KMT2C: variants seen among roughly 807,000 people sequenced by gnomAD.
KMT2C encodes the protein lysine methyltransferase 2C.
KMT2C carries 88 observed loss-of-function variants against 507.9 expected under a neutral mutation model. The ratio of observed to expected loss-of-function variants is 0.17; its 90% CI spans 0.15 to 0.21. The LOEUF (loss-of-function observed/expected upper bound fraction) is 0.21. Among genes scored for constraint, KMT2C ranks in the 10% least tolerant of loss-of-function variants. KMT2C has a pLI of 1.00. For missense variants in KMT2C, 4,954 were observed against 5,957.8 expected (o/e 0.83, Z 5.55); for synonymous variants, 2,049 against 2,080.8 (o/e 0.98, Z 0.42).
chr7:152,241,628 TTTA>T (rs1435986716), intron 14 of KMT2C, among the ~76,000 whole-genome samples: 16 of 152,342 alleles, frequency 1.1e-4, no homozygotes, highest in African/African-American at 3.8e-4. Flanking sequence ...CCTAGGACGT[TTTA>T]TTGTTTGTAA....
At chr7:152,247,534 A>T (rs2095491550) in intron 14 of KMT2C, among the ~76,000 whole-genome samples, 2 of 152,298 alleles carry the variant, frequency 1.3e-5, no homozygotes, top group Admixed American at 1.3e-4. Flanking sequence ...TAAATATATT[A>T]GAAGGAAATA....
chr7:152,266,979 C>T (rs533271391), intron 7 of KMT2C, among the ~76,000 whole-genome samples: 2 of 152,230 alleles, frequency 1.3e-5, no homozygotes, highest in African/African-American at 4.8e-5. Context: ...GTAGCATTTG[C>T]ATTGCTAGCC....
At position 152,237,473 on chromosome 7, in the gene KMT2C, G is replaced by A. The variant is rs10231616; in HGVS notation, c.2652+1234C>T. Among the ~76,000 whole-genome samples the A allele has an allele frequency of 9.3e-3, 1,419 of 152,108 alleles. 15 individuals are homozygous for A. Among genetic ancestry groups the A allele is most frequent in the African/African-American group, 0.033 (1,361 of 41,482 alleles). On this transcript the variant is annotated intron_variant, in intron 15 of 58. Transcript: ENST00000262189. ...CTTCTTTGCACAACAGATGGATGGC[G>A]TCAGGTTAGTTTTTTGGGGGTTTTT...
chr7:152,200,581 T>C (rs920346486), intron 26 of KMT2C, among the ~76,000 whole-genome samples: 3 of 151,918 alleles, frequency 2.0e-5, no homozygotes, highest in African/African-American at 4.8e-5. Context: ...AACACAAAAA[T>C]TAGCCAGGCA....
intron 9 of KMT2C, among the ~76,000 whole-genome samples, chr7:152,260,405 G>C (rs2095749179): frequency 6.6e-6 from 1 of 151,966 alleles, no homozygotes; most frequent in Non-Finnish European, 1.5e-5. Flanking sequence ...AGAAGATCAA[G>C]AGCAAGAACA....
intron 9 of KMT2C, among the ~76,000 whole-genome samples, chr7:152,256,690 A>G (rs1358373007): frequency 6.6e-6 from 1 of 152,256 alleles, no homozygotes; most frequent in Non-Finnish European, 1.5e-5. Flanking sequence ...AAAATCTTCA[A>G]TAACAGGCAA....
At chr7:152,235,207 G>GTGTATATATATA (rs1554561903) in intron 16 of KMT2C, among the ~76,000 whole-genome samples, 7 of 142,424 alleles carry the variant, frequency 4.9e-5, no homozygotes, top group African/African-American at 1.9e-4. Flanking sequence ...TTTCAAGGGT[G>GTGTATATATATA]TATATATATA....
In KMT2C at chr7:152,176,595, C is replaced by A. The variant is rs1414427825; in HGVS notation, c.8858G>T (p.Ser2953Ile). The change falls in exon 38 of 59, where the codon AGT becomes ATT. Residue 2953 changes from serine (S) to isoleucine (I), a missense_variant. Coordinates refer to ENST00000262189, the MANE Select transcript of KMT2C (RefSeq NM_170606.3). ...LPASPSNHVSSLPPFIAPPGR... is the reference protein window; with the variant it reads ...LPASPSNHVSILPPFIAPPGR... ...AGGCGGTGCTATGAAAGGAGGCAAA[C>A]TTGACACATGATTGGATGGGGAGGC... is the stretch of plus-strand genomic sequence containing the variant. 1 of 1,614,148 alleles carries A rather than the reference C, an allele frequency of 6.2e-7. No homozygotes were observed. The highest frequency in any genetic ancestry group is 1.3e-5 in the African/African-American group (1 of 75,054).
intron 6 of KMT2C, among the ~76,000 whole-genome samples, chr7:152,287,312 G>T (rs961837900): frequency 2.0e-5 from 3 of 152,196 alleles, no homozygotes; most frequent in Admixed American, 6.5e-5. Context: ...CAAGTGAAAA[G>T]CAGGAACCTT....
chr7:152,326,302 C>T (rs982387643), intron 3 of KMT2C, among the ~76,000 whole-genome samples: 4 of 152,024 alleles, frequency 2.6e-5, no homozygotes, highest in Non-Finnish European at 5.9e-5. Context: ...ATACTGAATC[C>T]CCTAAAATGT....
At chr7:152,368,467 A>G in intron 1 of KMT2C, 1 of 1,227,802 alleles carries the variant, frequency 8.1e-7, no homozygotes, top group South Asian at 1.3e-5. Context: ...TCAAAAACTA[A>G]AGGACTCTGA....
At chr7:152,237,523 AGTCTCGC>A (rs2095301578) in intron 15 of KMT2C, among the ~76,000 whole-genome samples, 3 of 152,078 alleles carry the variant, frequency 2.0e-5, no homozygotes, top group African/African-American at 2.4e-5. Flanking sequence ...TTTGAGATGG[AGTCTCGC>A]TTCTTTGCCC....
At chr7:152,205,275 T>C in intron 24 of KMT2C, 50 bp from the exon 25 acceptor site, 2 of 1,537,368 alleles carry the variant, frequency 1.3e-6, no homozygotes, top group South Asian at 2.2e-5. Flanking sequence ...CTCCCTACAT[T>C]TCCACAGTAC....
intron 14 of KMT2C, among the ~76,000 whole-genome samples, chr7:152,245,395 T>C (rs2095454614): frequency 6.6e-6 from 1 of 152,230 alleles, no homozygotes; most frequent in East Asian, 1.9e-4. Flanking sequence ...ATGTTTTAAG[T>C]ATAAAGCATC....
At chr7:152,196,964 T>A (rs1361028521) in intron 27 of KMT2C, among the ~76,000 whole-genome samples, 3 of 152,088 alleles carry the variant, frequency 2.0e-5, no homozygotes, top group African/African-American at 7.2e-5. Context: ...TTTTAGAGAT[T>A]ATGGGGAAGA....
chr7:152,177,817 A>T lies in KMT2C; in HGVS notation c.7636T>A (p.Leu2546Met), dbSNP rs2129115447. 1.2e-6 allele frequency: 2 copies of T among 1,613,916 alleles called. No homozygotes were observed. The highest frequency in any genetic ancestry group is 1.7e-6 in the Non-Finnish European group (2 of 1,179,966). The change falls in exon 38 of 59, where the codon TTG (leucine) becomes ATG (methionine). Residue 2546 changes from leucine to methionine, a missense_variant. By Grantham distance (15) the Leu-to-Met change is conservative. Transcript: ENST00000262189. Reference protein sequence around the residue: ...GLPQHFSPQSLPVQQHNILGQ... With the variant: ...GLPQHFSPQSMPVQQHNILGQ... ...AGTATGTTGTGCTGCTGAACTGGCA[A>T]GCTCTGTGGTGAAAAATGCTGAGGA...
chr7:152,379,913 C>T (rs1380806177), intron 1 of KMT2C, among the ~76,000 whole-genome samples: 6 of 149,184 alleles, frequency 4.0e-5, no homozygotes. Flanking sequence ...CTAGGCAACA[C>T]AGCGAGACCC....
intron 1 of KMT2C, among the ~76,000 whole-genome samples, chr7:152,374,370 AAAT>A (rs762977747): frequency 2.0e-4 from 31 of 152,020 alleles, no homozygotes; most frequent in East Asian, 3.9e-4. Context: ...GAAATTTTAA[AAAT>A]AATAATTTTT....
chr7:152,160,136 A>T (rs929947989), intron 43 of KMT2C, among the ~76,000 whole-genome samples: 1 of 152,210 alleles, frequency 6.6e-6, no homozygotes, highest in Admixed American at 6.5e-5. Flanking sequence ...TATAATTTTT[A>T]TGTGTCACAA....
Sources: allele counts gnomAD v4.1 joint callset (sites outside exome capture counted in the v4.1 genomes callset), GRCh38; gene constraint gnomAD v4.1.1; transcripts MANE v1.5; gene names NCBI Gene and HGNC (gene_info 2026-07-23, HGNC 2026-07-21).